EBF2: variants seen among roughly 807,000 people sequenced by gnomAD.
EBF2 encodes the protein transcription factor COE2.
EBF2 carries 21 observed loss-of-function variants against 72.8 expected under a neutral mutation model. The ratio of observed to expected loss-of-function variants is 0.29; its 90% CI spans 0.20 to 0.42. EBF2 has a LOEUF of 0.42. EBF2 is among the 10% of genes least tolerant of loss of function. The pLI, the probability that EBF2 is intolerant of heterozygous loss-of-function variation, is 1.00. For synonymous variants in EBF2, 299 were observed against 274.2 expected, an observed-to-expected ratio of 1.09 and a Z score of -0.89; for missense variants, 637 against 731.2, an observed-to-expected ratio of 0.87 and a Z score of 1.49.
At chr8:26,041,891 G>C (rs987755320) in intron 2 of EBF2, among the ~76,000 whole-genome samples, 12 of 152,198 alleles carry the variant, frequency 7.9e-5, no homozygotes, top group African/African-American at 2.9e-4. Context: ...AGCCGGGAGC[G>C]CTCCTCCAGC....
chr8:25,843,328 A>G lies in EBF2; in HGVS notation c.*1281T>C, dbSNP rs142152719. 5.3e-5 allele frequency: 8 copies of G among 152,324 alleles called. No homozygotes were observed. In the East Asian group the frequency reaches 1.5e-3, roughly 29 times the overall value. 9.4% of individuals were successfully genotyped at this position (152,324 alleles called of 1,614,324 possible). A position where few individuals can be genotyped will look rare whatever the true frequency, so the allele number is the denominator to read the frequency against. On this transcript the variant is annotated 3_prime_UTR_variant, in exon 16 of 16. Transcript: ENST00000520164. The stretch of plus-strand genomic sequence containing the variant: ...TTTTTCAAGAGAGTTTAATGCCATA[A>G]AAGGGGAAATTGACAGGGAGAGGAA...
chr8:26,016,710 T>C (rs1398772203), intron 6 of EBF2, among the ~76,000 whole-genome samples: 1 of 152,202 alleles, frequency 6.6e-6, no homozygotes, highest in African/African-American at 2.4e-5. Context: ...CTCCTCACTC[T>C]TTCCCTCCCT....
At chr8:25,877,050 C>T (rs1218806218) in intron 10 of EBF2, among the ~76,000 whole-genome samples, 1 of 152,236 alleles carries the variant, frequency 6.6e-6, no homozygotes, top group Non-Finnish European at 1.5e-5. Flanking sequence ...TAGTGAAAAG[C>T]TGTGCTCATT....
intron 6 of EBF2, among the ~76,000 whole-genome samples, chr8:25,927,774 C>G (rs576851480): frequency 2.6e-5 from 4 of 152,246 alleles, no homozygotes; most frequent in Non-Finnish European, 5.9e-5. Context: ...AAGTCCTAAA[C>G]AGTGTGGGGT....
rs544512639 is a variant in EBF2, at chr8:25,907,396, G to A, written c.633+1078C>T. The stretch of plus-strand genomic sequence containing the variant: ...GATCACACCACTGCTCTCCAGCCTA[G>A]GTGACAGAGTGAGACCCTGCCTCAA... On this transcript the variant is annotated intron_variant, in intron 7 of 15. Coordinates refer to ENST00000520164, the MANE Select transcript of EBF2 (RefSeq NM_022659.4). Among the ~76,000 whole-genome samples, 13 of 113,778 alleles carry A rather than the reference G, an allele frequency of 1.1e-4. No individual in the cohort carries two copies. The South Asian group carries it at 3.3e-3, about 29-fold the overall frequency. 74.6% of individuals were successfully genotyped at this position (113,778 alleles called of 152,430 possible).
At chr8:25,976,346 A>G (rs1442089141) in intron 6 of EBF2, among the ~76,000 whole-genome samples, 2 of 152,220 alleles carry the variant, frequency 1.3e-5, no homozygotes, top group African/African-American at 4.8e-5. Context: ...GTTATTAAGC[A>G]CTGCTCGACT....
chr8:25,925,556 C>T (rs1803372053), intron 6 of EBF2, among the ~76,000 whole-genome samples: 1 of 152,218 alleles, frequency 6.6e-6, no homozygotes. Context: ...CATCACATTA[C>T]TTCAGCCAAT....
intron 6 of EBF2, among the ~76,000 whole-genome samples, chr8:26,027,803 A>T (rs958119699): frequency 6.6e-6 from 1 of 152,172 alleles, no homozygotes; most frequent in African/African-American, 2.4e-5. Context: ...ATATTCTGAC[A>T]CATGCTACAA....
chr8:25,923,373 A>G (rs1474727135), intron 6 of EBF2, among the ~76,000 whole-genome samples: 2 of 152,234 alleles, frequency 1.3e-5, no homozygotes, highest in Non-Finnish European at 2.9e-5. Flanking sequence ...TCCTCCTGGT[A>G]GAACTCTGCC....
chr8:26,013,635 A>C (rs1421857589), intron 6 of EBF2, among the ~76,000 whole-genome samples: 2 of 151,960 alleles, frequency 1.3e-5, no homozygotes, highest in Non-Finnish European at 2.9e-5. Context: ...AGTTATAACA[A>C]TGTGGATTTC....
At chr8:25,986,022 A>AAAAAAAAAAAAT (rs1804448613) in intron 6 of EBF2, among the ~76,000 whole-genome samples, 1 of 149,012 alleles carries the variant, frequency 6.7e-6, no homozygotes, top group Non-Finnish European at 1.5e-5. Context: ...AAAAAAAAAA[A>AAAAAAAAAAAAT]AAAGTACATG....
rs578202462 is a variant in EBF2 at position 25,954,246 on chromosome 8, A to G, written c.552-45691T>C. 1.4e-4 allele frequency among the ~76,000 whole-genome samples: 22 copies of G among 152,264 alleles called. No individual in the cohort carries two copies. The South Asian group carries it at 4.6e-3, about 32-fold the overall frequency. Reference sequence around the variant, plus strand: ...AAGAGTGATATCGGGCCACCTGGAAACCCAAACTGCTTTCCTGGAGCCTCC... The same window carrying G: ...AAGAGTGATATCGGGCCACCTGGAAGCCCAAACTGCTTTCCTGGAGCCTCC... On this transcript the variant is annotated intron_variant, in intron 6 of 15. Coordinates refer to ENST00000520164, the MANE Select transcript of EBF2 (RefSeq NM_022659.4).
chr8:25,872,354 A>C (rs1277006138), intron 10 of EBF2, among the ~76,000 whole-genome samples: 1 of 152,096 alleles, frequency 6.6e-6, no homozygotes, highest in African/African-American at 2.4e-5. Context: ...CACTCTGGGG[A>C]TGTTGGCGGA....
chr8:25,985,994 T>C (rs1804445070), intron 6 of EBF2, among the ~76,000 whole-genome samples: 2 of 7,034 alleles, frequency 2.8e-4, no homozygotes, highest in Non-Finnish European at 2.5e-4. Flanking sequence ...AGAGTGAAAC[T>C]CTGTCTCAAA....
intron 14 of EBF2, 130 bp from the exon 15 acceptor site, chr8:25,850,891 A>G (rs995827451): frequency 3.9e-6 from 4 of 1,013,992 alleles, no homozygotes; most frequent in Admixed American, 3.8e-5. Flanking sequence ...AAAAAAAAAA[A>G]GTTGAATGTG....
At chr8:26,041,321 A>T (rs1300091759) in intron 2 of EBF2, 7 of 390,076 alleles carry the variant, frequency 1.8e-5, no homozygotes, top group African/African-American at 1.4e-4. Flanking sequence ...CACCCAACCC[A>T]TCGGGCTCTG....
At chr8:25,885,325 C>T (rs1392366842) in intron 10 of EBF2, among the ~76,000 whole-genome samples, 2 of 152,134 alleles carry the variant, frequency 1.3e-5, no homozygotes, top group South Asian at 2.1e-4. Flanking sequence ...TGTTGTACAA[C>T]CATCATCACC....
chr8:25,989,751 G>A (rs566062004), intron 6 of EBF2, among the ~76,000 whole-genome samples: 8 of 152,178 alleles, frequency 5.3e-5, no homozygotes, highest in Non-Finnish European at 1.0e-4. Flanking sequence ...TGAGTCTCCC[G>A]TTCCGTAAGC....
At chr8:25,967,778 T>C (rs545610498) in intron 6 of EBF2, among the ~76,000 whole-genome samples, 29 of 152,152 alleles carry the variant, frequency 1.9e-4, no homozygotes, top group Non-Finnish European at 3.8e-4. Context: ...ATGCCTAGGT[T>C]TGAGTTTATG....
Sources: gnomAD v4.1 joint callset for allele counts (sites outside exome capture counted in the v4.1 genomes callset) on GRCh38, gnomAD v4.1.1 for gene constraint, MANE v1.5 for transcripts, NCBI Gene and HGNC (gene_info 2026-07-23, HGNC 2026-07-21) for gene names.